GTPBP6: variants seen among roughly 807,000 people sequenced by gnomAD.
GTPBP6 encodes GTP binding protein 6, also known as putative GTP-binding protein 6.
GTPBP6 carries 33 observed loss-of-function variants against 28.9 expected under a neutral mutation model. The observed-to-expected ratio is 1.14, with a 90% confidence interval of 0.87 to 1.53. The LOEUF (loss-of-function observed/expected upper bound fraction) is 1.53. GTPBP6 is among the 40% of genes most tolerant of loss of function. The probability of loss-of-function intolerance (pLI) is 0.00; values close to 1 mark genes in which losing one functional copy is unlikely to be tolerated. For synonymous variants in GTPBP6, 231 were observed against 192.7 expected, an observed-to-expected ratio of 1.20 and a Z score of -1.65; for missense variants, 507 against 408.3, an observed-to-expected ratio of 1.24 and a Z score of -2.08.
chrX:307,500 C>G lies in GTPBP6; in HGVS notation c.1287G>C (p.Thr429=), dbSNP rs201081962. ...CAGACACGGGCACGACGTTCGGTTC[C>G]GTGGGGCTGTACCTGCAAGGGTGGG... is the stretch of plus-strand genomic sequence containing the variant. Residue 429 remains threonine, a synonymous_variant, in exon 9 of 10, where the codon ACG becomes ACC. Transcript: ENST00000326153. 3.7e-6 allele frequency: 6 copies of G among 1,611,222 alleles called. No individual in the cohort carries two copies. In the South Asian group the frequency reaches 6.6e-5, roughly 18 times the overall value.
chrX:317,921 A>C (rs2070470813), intron 1 of GTPBP6, among the ~76,000 whole-genome samples: 3 of 51,922 alleles, frequency 5.8e-5, no homozygotes, highest in Admixed American at 2.8e-4. Context: ...ATGCACCTCC[A>C]CCTATGAGAT....
intron 4 of GTPBP6, 137 bp from the exon 5 acceptor site, chrX:314,354 G>A (rs2070384466): frequency 1.5e-5 from 11 of 748,928 alleles, no homozygotes; most frequent in Admixed American, 4.0e-5. Context: ...CCCGCTCCGC[G>A]TGTAGCTCAC....
At chrX:318,796 TG>T in exon 1 of GTPBP6, 1 of 305,448 alleles carries the variant, frequency 3.3e-6, no homozygotes, top group Non-Finnish European at 6.0e-6. Context: ...ATGGCGCGTC[TG>T]GAGGCTGAAC....
chrX:315,350 CTGTGGGATGAGCCCACCATACCCTT>C (rs1335952038), intron 2 of GTPBP6, 51 bp from the exon 3 acceptor site: 1 of 398,588 alleles, frequency 2.5e-6, no homozygotes, highest in East Asian at 3.6e-5. Flanking sequence ...CACCCGTGGA[CTGTGGGATGAGCCCACCATACCCTT>C]TGTGGGATGC....
At chrX:316,426 A>G (rs1358100792) in intron 2 of GTPBP6, among the ~76,000 whole-genome samples, 2 of 151,858 alleles carry the variant, frequency 1.3e-5, no homozygotes, top group Non-Finnish European at 2.9e-5. Context: ...GCTGACCCCC[A>G]CCTGGGCAGG....
chrX:306,132 G>C (rs35298808), intron 9 of GTPBP6, among the ~76,000 whole-genome samples: 50,726 of 152,068 alleles, frequency 0.33, 9,217 homozygotes, highest in South Asian at 0.53. Flanking sequence ...GGCACCTGTT[G>C]TGCGCACAGT....
At chrX:312,843 T>C (rs769072968) in exon 6 of GTPBP6, 3 of 1,612,926 alleles carry the variant, frequency 1.9e-6, no homozygotes, top group Non-Finnish European at 2.5e-6. Flanking sequence ...GTGCCTCTTC[T>C]TGCGAAGCCT....
exon 1 of GTPBP6, chrX:318,680 T>A (rs2070485139): frequency 2.5e-6 from 1 of 392,756 alleles, no homozygotes; most frequent in Middle Eastern, 6.4e-4. Flanking sequence ...CGACAGCGGC[T>A]AGCGCGCGCG....
rs748121547 is a variant in GTPBP6, at chrX:312,570, C to T, written c.916+196G>A. The T allele has an allele frequency of 1.4e-3, 986 of 711,324 alleles. 3 individuals carry two copies. Among genetic ancestry groups the T allele is most frequent in the Non-Finnish European group, 2.1e-3 (844 of 394,102 alleles). The allele number at this position is 711,324 out of a possible 1,614,324, so 44.1% of individuals were successfully genotyped here. A position where few individuals can be genotyped will look rare whatever the true frequency, so the allele number is the denominator to read the frequency against. On this transcript the variant is annotated intron_variant, in intron 6 of 9. Transcript: ENST00000326153. The stretch of plus-strand genomic sequence containing the variant: ...CCCCACACAGAGACCACAGGAAACC[C>T]GTCTCCTGGGTGAGCTCTCACAGCA...
intron 2 of GTPBP6, 70 bp downstream of exon 2, chrX:316,844 G>C: frequency 2.5e-6 from 1 of 398,938 alleles, no homozygotes; most frequent in Non-Finnish European, 4.4e-6. Flanking sequence ...AGCATGTCTC[G>C]GTTGGATGTT....
intron 7 of GTPBP6, among the ~76,000 whole-genome samples, chrX:308,489 T>A (rs1038852094): frequency 2.0e-5 from 3 of 152,080 alleles, no homozygotes; most frequent in Admixed American, 6.6e-5. Context: ...GAGACCAGCC[T>A]GGGCAAGAGA....
intron 2 of GTPBP6, among the ~76,000 whole-genome samples, 162 bp from the exon 3 acceptor site, chrX:315,461 A>G (rs1451417851): frequency 6.6e-6 from 1 of 152,024 alleles, no homozygotes; most frequent in Non-Finnish European, 1.5e-5. Context: ...TCAGCGTGGG[A>G]GGGGGTGTGT....
intron 1 of GTPBP6, among the ~76,000 whole-genome samples, chrX:317,624 C>T (rs2070461845): frequency 6.6e-6 from 1 of 151,714 alleles, no homozygotes; most frequent in Non-Finnish European, 1.5e-5. Flanking sequence ...ACCTCAAACA[C>T]ACCGTGCCTA....
At chrX:312,547 C>A (rs1257250159) in intron 6 of GTPBP6, 2 of 701,196 alleles carry the variant, frequency 2.9e-6, no homozygotes, top group Admixed American at 4.0e-5. Context: ...CTGCTGTACC[C>A]CACACAGAGA....
intron 4 of GTPBP6, among the ~76,000 whole-genome samples, chrX:314,597 T>C (rs368592201): frequency 0.65 from 97,640 of 151,140 alleles, 32,030 homozygotes; most frequent in African/African-American, 0.74. Flanking sequence ...CTCAGCCTCC[T>C]GAGTAGCTGG....
At chrX:311,188 G>T (rs112759669) in intron 7 of GTPBP6, among the ~76,000 whole-genome samples, 56,999 of 141,692 alleles carry the variant, frequency 0.4, 11,965 homozygotes, top group South Asian at 0.55. Flanking sequence ...CCCCGAGTTG[G>T]GTGGGTGTCT....
chrX:311,472 G>T (rs1300883101), exon 7 of GTPBP6: 1 of 1,612,252 alleles, frequency 6.2e-7, no homozygotes, highest in Admixed American at 1.7e-5. Flanking sequence ...AGGCCGTGCG[G>T]CAGCTGGGAG....
In GTPBP6 at chrX:307,356, T is replaced by C; in HGVS notation, c.1427+4A>G. On this transcript the variant is annotated splice_donor_region_variant and intron_variant, in intron 9 of 9. Coordinates refer to ENST00000326153, the Ensembl canonical transcript of GTPBP6. ...CCCGTCTCCTGCCCCTGCAGGCCGC[T>C]CACCTGAGCTGCGCCCCTGCGAGCC... 6.2e-7 allele frequency: 1 copy of C among 1,611,574 alleles called. No individual in the cohort carries two copies. Among genetic ancestry groups the C allele is most frequent in the Non-Finnish European group, 8.5e-7 (1 of 1,179,496 alleles).
intron 7 of GTPBP6, among the ~76,000 whole-genome samples, 197 bp from the exon 8 acceptor site, chrX:308,077 C>T (rs2070210921): frequency 6.6e-6 from 1 of 152,110 alleles, no homozygotes; most frequent in Non-Finnish European, 1.5e-5. Context: ...CACCCGGCTG[C>T]ACTTACCCAA....
Sources: gnomAD v4.1 joint callset for allele counts (sites outside exome capture counted in the v4.1 genomes callset) on GRCh38, gnomAD v4.1.1 for gene constraint, MANE v1.5 for transcripts, NCBI Gene and HGNC (gene_info 2026-07-23, HGNC 2026-07-21) for gene names.